SORCS2: variants seen among roughly 807,000 people sequenced by gnomAD.
The protein encoded by SORCS2 is sortilin related VPS10 domain containing receptor 2, also known as VPS10 domain-containing receptor SorCS2.
Under a neutral mutation model 141.6 loss-of-function variants are expected in SORCS2, and 100 were observed. The ratio of observed to expected loss-of-function variants is 0.71; its 90% CI spans 0.60 to 0.83. The LOEUF (loss-of-function observed/expected upper bound fraction) is 0.83. Among genes scored for constraint, SORCS2 ranks in the 40% least tolerant of loss-of-function variants. SORCS2 has a pLI of 0.00. For synonymous variants in SORCS2, 789 were observed against 676.9 expected (o/e 1.17, Z -2.57); for missense variants, 1,646 against 1,560.2 (o/e 1.05, Z -0.93).
At chr4:7,332,770 T>G (rs1484445647) in intron 1 of SORCS2, among the ~76,000 whole-genome samples, 2 of 152,176 alleles carry the variant, frequency 1.3e-5, no homozygotes, top group Admixed American at 1.3e-4. Flanking sequence ...GTGGATGACA[T>G]GACCTCAGCC....
intron 1 of SORCS2, among the ~76,000 whole-genome samples, chr4:7,307,186 C>T (rs1248460115): frequency 6.6e-6 from 1 of 152,210 alleles, no homozygotes; most frequent in Non-Finnish European, 1.5e-5. Context: ...TTCTCTTCCC[C>T]TCCCCTCTCC....
chr4:7,340,888 G>A (rs1320147629), intron 1 of SORCS2, among the ~76,000 whole-genome samples: 1 of 152,184 alleles, frequency 6.6e-6, no homozygotes, highest in African/African-American at 2.4e-5. Context: ...GTGGCTCTAG[G>A]TCTGCAGCCA....
chr4:7,379,229 A>C (rs77694347), intron 1 of SORCS2, among the ~76,000 whole-genome samples: 1 of 152,136 alleles, frequency 6.6e-6, no homozygotes, highest in African/African-American at 2.4e-5. Flanking sequence ...CCTGTGCTGC[A>C]GTTGACTCCC....
chr4:7,555,830 G>C (rs539638838), intron 3 of SORCS2, among the ~76,000 whole-genome samples: 1 of 152,292 alleles, frequency 6.6e-6, no homozygotes, highest in African/African-American at 2.4e-5. Flanking sequence ...AGGTCCTGAG[G>C]CTGGAGAGAC....
At chr4:7,618,404 C>T (rs1718905943) in intron 3 of SORCS2, among the ~76,000 whole-genome samples, 3 of 152,172 alleles carry the variant, frequency 2.0e-5, no homozygotes, top group South Asian at 2.1e-4. Context: ...ACTCTGCACC[C>T]GGAGGGGCAT....
At position 7,286,300 on chromosome 4, in the gene SORCS2, C is replaced by A. The variant is rs753483885; in HGVS notation, c.480+93174C>A. On this transcript the variant is annotated intron_variant, in intron 1 of 26. Transcript: ENST00000507866. This position sits in a 1 kb window ranked among gnomAD's most constrained non-coding sequence, Gnocchi z 4.1. The stretch of plus-strand genomic sequence containing the variant: ...ATGTGGGAGCCTGGCCAGCTGGAGC[C>A]ACCGCTGGAGAGAGCAGGCCTGTTG... Among the ~76,000 whole-genome samples, 6 of 152,200 alleles carry A rather than the reference C, an allele frequency of 3.9e-5. No homozygotes were observed. Among genetic ancestry groups the A allele is most frequent in the Non-Finnish European group, 8.8e-5 (6 of 68,040 alleles).
rs140467818 is a variant in SORCS2, at chr4:7,234,935, A to G, written c.480+41809A>G. Among the ~76,000 whole-genome samples, 690 of 152,156 alleles carry G rather than the reference A, an allele frequency of 4.5e-3. 3 individuals are homozygous for G. Among genetic ancestry groups the G allele is most frequent in the African/African-American group, 0.015 (640 of 41,512 alleles). On this transcript the variant is annotated intron_variant, in intron 1 of 26. Coordinates refer to ENST00000507866, the MANE Select transcript of SORCS2 (RefSeq NM_020777.3). ...CCGGGGAAGGCCTCGCCGAGGAGAC[A>G]GGGGCTAGGCTGGGCCTGAAGTCTT...
At position 7,201,805 on chromosome 4, in the gene SORCS2, C is replaced by T. The variant is rs1031542222; in HGVS notation, c.480+8679C>T. Among the ~76,000 whole-genome samples, 2 of 152,028 alleles carry T rather than the reference C, an allele frequency of 1.3e-5. No individual in the cohort carries two copies. Among genetic ancestry groups the T allele is most frequent in the African/African-American group, 2.4e-5 (1 of 41,360 alleles). The stretch of plus-strand genomic sequence containing the variant: ...GGGTGCTCTGTGGATTGCAGGGATG[C>T]CGATGACCTGAGAAGCCTGGCTGTG... On this transcript the variant is annotated intron_variant, in intron 1 of 26. Transcript: ENST00000507866. The surrounding 1 kb of genome is among the most constrained non-coding windows in gnomAD (Gnocchi z 4.4).
chr4:7,576,618 T>C (rs1274354222), intron 3 of SORCS2, among the ~76,000 whole-genome samples: 4 of 152,136 alleles, frequency 2.6e-5, no homozygotes, highest in African/African-American at 9.7e-5. Context: ...GGCCTGTTGA[T>C]CTAAGACGTG....
intron 25 of SORCS2, among the ~76,000 whole-genome samples, chr4:7,735,703 G>C (rs1333349652): frequency 6.6e-6 from 1 of 152,142 alleles, no homozygotes; most frequent in Non-Finnish European, 1.5e-5. Context: ...GTCTATCCAG[G>C]GGTTCCGTAG....
At chr4:7,311,954 C>A (rs370833611) in intron 1 of SORCS2, among the ~76,000 whole-genome samples, 25 of 152,230 alleles carry the variant, frequency 1.6e-4, no homozygotes, top group Admixed American at 4.6e-4. Flanking sequence ...CAGCTCACTG[C>A]AATTGGCGCC....
chr4:7,293,197 G>A (rs369073784), intron 1 of SORCS2, among the ~76,000 whole-genome samples: 5 of 152,030 alleles, frequency 3.3e-5, no homozygotes, highest in Non-Finnish European at 5.9e-5. Context: ...CCAGCTACTC[G>A]GGAGGCTAAG....
chr4:7,724,931 A>G (rs375257617), intron 19 of SORCS2, among the ~76,000 whole-genome samples: 314 of 26,916 alleles, frequency 0.012, 25 homozygotes, highest in African/African-American at 0.025. Context: ...GGATGGTGGT[A>G]GTAGTGGTGA....
chr4:7,498,984 G>T (rs1284164337), intron 2 of SORCS2, among the ~76,000 whole-genome samples: 1 of 152,204 alleles, frequency 6.6e-6, no homozygotes, highest in Non-Finnish European at 1.5e-5. Flanking sequence ...GCCGGCTGAG[G>T]CTGGGGAAAG....
chr4:7,725,736 C>A (rs1727174143), intron 20 of SORCS2, among the ~76,000 whole-genome samples: 1 of 152,208 alleles, frequency 6.6e-6, no homozygotes. Context: ...ACAGATAGTT[C>A]TTGAGCAGGA....
chr4:7,669,123 C>T (rs911333544), intron 8 of SORCS2, among the ~76,000 whole-genome samples: 1 of 152,306 alleles, frequency 6.6e-6, no homozygotes, highest in African/African-American at 2.4e-5. Context: ...TGACAGTGTG[C>T]ATTTTACACT....
intron 2 of SORCS2, 65 bp downstream of exon 2, chr4:7,396,420 C>G: frequency 1.9e-6 from 3 of 1,547,252 alleles, no homozygotes; most frequent in Non-Finnish European, 2.7e-6. Context: ...AGGCTCTCAG[C>G]TGAGGACCGA....
chr4:7,315,993 T>C lies in SORCS2; in HGVS notation c.481-80295T>C, dbSNP rs1456511711. ...TCTATTTATCCATCCATCCATCCAT[T>C]CATATATTCATCTATCCTTTCTATC... On this transcript the variant is annotated intron_variant, in intron 1 of 26. Transcript: ENST00000507866. Among the ~76,000 whole-genome samples, 5 of 150,042 alleles carry C rather than the reference T, an allele frequency of 3.3e-5. No homozygotes were observed. The South Asian group carries it at 1.1e-3, about 32-fold the overall frequency.
intron 12 of SORCS2, among the ~76,000 whole-genome samples, chr4:7,700,134 C>T (rs1466157650): frequency 6.6e-6 from 1 of 152,226 alleles, no homozygotes; most frequent in Non-Finnish European, 1.5e-5. Context: ...CCTCTGTCTC[C>T]AGCCTGTGAT....
Sources: gnomAD v4.1 joint callset for allele counts (sites outside exome capture counted in the v4.1 genomes callset) on GRCh38, gnomAD v4.1.1 for gene constraint, Gnocchi (gnomAD v3.1) non-coding constraint, MANE v1.5 for transcripts, NCBI Gene and HGNC (gene_info 2026-07-23, HGNC 2026-07-21) for gene names.